Variants in TTLL9 observed in about 807,000 individuals in gnomAD.
TTLL9 encodes the protein probable tubulin polyglutamylase TTLL9.
In TTLL9, 47 loss-of-function variants were observed where a neutral mutation model predicts 65.6. That is an observed-to-expected ratio of 0.72 (90% CI 0.57 to 0.91). The LOEUF is 0.91. Ranked by LOEUF, TTLL9 falls within the 40% of genes least tolerant of loss-of-function variation. The pLI is 0.00. For synonymous variants in TTLL9, 179 were observed against 204.8 expected (o/e 0.87, Z 1.07); for missense variants, 537 against 568.8 (o/e 0.94, Z 0.57).
rs367892366 is a variant in TTLL9 at position 31,871,188 on chromosome 20, A to G, written c.62A>G (p.Lys21Arg). ...ACAACTGCCATTAGGTGCCCCAAGAAATTACAGGTGAATGTTGGGAGAGGG... is the reference window on the plus strand; with the variant it reads ...ACAACTGCCATTAGGTGCCCCAAGAGATTACAGGTGAATGTTGGGAGAGGG... ...PGTTAIRCPK[K>R]LQNQNYKGHG... Residue 21 changes from lysine to arginine, a missense_variant, in exon 2 of 15, where the codon AAA becomes AGA. Lys to Arg is a conservative substitution (Grantham distance 26). This residue lies in a region of TTLL9 where 320 missense variants were observed against 311.0 expected (regional missense o/e 1.03). Transcript: ENST00000535842. 1 of 1,613,960 alleles carries G rather than the reference A, an allele frequency of 6.2e-7. No homozygotes were observed. The highest frequency in any genetic ancestry group is 8.5e-7 in the Non-Finnish European group (1 of 1,179,994).
intron 3 of TTLL9, among the ~76,000 whole-genome samples, chr20:31,894,316 C>G (rs750923426): frequency 3.9e-4 from 59 of 151,968 alleles, no homozygotes; most frequent in Non-Finnish European, 8.5e-4. Flanking sequence ...GTTGCACAGG[C>G]TGGTCTTGAA....
At chr20:31,942,143 G>A (rs183913684) in intron 14 of TTLL9, among the ~76,000 whole-genome samples, 1 of 152,164 alleles carries the variant, frequency 6.6e-6, no homozygotes, top group African/African-American at 2.4e-5. Context: ...GGTTTGGGGG[G>A]ATGTGGAAGA....
intron 2 of TTLL9, chr20:31,879,846 G>T (rs2063085598): frequency 1.9e-6 from 3 of 1,549,950 alleles, no homozygotes; most frequent in Non-Finnish European, 2.6e-6. Flanking sequence ...CGAGGCGCGC[G>T]GTGGCGGTTT....
intron 10 of TTLL9, among the ~76,000 whole-genome samples, chr20:31,932,500 G>A (rs1568834036): frequency 8.1e-6 from 1 of 123,102 alleles, no homozygotes; most frequent in Non-Finnish European, 1.7e-5. Flanking sequence ...TAAAGAAGAC[G>A]TCTAGGAAAA....
chr20:31,874,409 C>CA (rs1405922318), intron 2 of TTLL9, among the ~76,000 whole-genome samples: 2 of 123,034 alleles, frequency 1.6e-5, no homozygotes. Context: ...ATTAGCTGAT[C>CA]TTTTTTTTTT....
At chr20:31,876,430 G>C (rs868665655) in intron 2 of TTLL9, among the ~76,000 whole-genome samples, 15 of 152,160 alleles carry the variant, frequency 9.9e-5, no homozygotes, top group African/African-American at 3.6e-4. Context: ...TGGGTGACAA[G>C]AGCAAAACTC....
intron 2 of TTLL9, 96 bp from the exon 3 acceptor site, chr20:31,887,100 G>A: frequency 7.7e-7 from 1 of 1,295,708 alleles, no homozygotes. Context: ...TGTTGAGTCT[G>A]ACGGTTTGGG....
Position 31,908,670 on chromosome 20 carries a change from G to C in TTLL9, c.286G>C (p.Val96Leu). 6.2e-7 allele frequency: 1 copy of C among 1,614,154 alleles called. No individual in the cohort carries two copies. The highest frequency in any genetic ancestry group is 8.5e-7 in the Non-Finnish European group (1 of 1,180,020). Reference sequence around the variant, plus strand: ...CGACCACACCTACATGGATGAACATGTGCGGATCAGTCACTTCCGGAACCA... The same window carrying C: ...CGACCACACCTACATGGATGAACATCTGCGGATCAGTCACTTCCGGAACCA... ...NFDHTYMDEHVRISHFRNHYE... is the reference protein window; with the variant it reads ...NFDHTYMDEHLRISHFRNHYE... Residue 96 changes from valine to leucine, a missense_variant, in exon 5 of 15, where the codon GTG (valine) becomes CTG (leucine). Physicochemically the swap from Val to Leu is conservative, Grantham distance 32. Transcript: ENST00000535842.
intron 11 of TTLL9, chr20:31,934,399 T>G (rs767192234): frequency 8.6e-5 from 50 of 582,974 alleles, no homozygotes; most frequent in South Asian, 7.6e-4. Flanking sequence ...GGCCTTGGGA[T>G]GCACACATGG....
chr20:31,903,340 T>C (rs2063504462), intron 4 of TTLL9, among the ~76,000 whole-genome samples: 2 of 152,260 alleles, frequency 1.3e-5, no homozygotes, highest in African/African-American at 4.8e-5. Flanking sequence ...GTTGTCTCTT[T>C]ATATTCGAGT....
intron 7 of TTLL9, chr20:31,920,867 A>T (rs758792477): frequency 2.6e-5 from 4 of 152,724 alleles, no homozygotes; most frequent in Non-Finnish European, 5.9e-5. Flanking sequence ...CTGTTGTGTC[A>T]CCCCATCAAG....
chr20:31,889,065 CAT>C (rs2063242885), intron 3 of TTLL9, among the ~76,000 whole-genome samples: 3 of 146,072 alleles, frequency 2.1e-5, no homozygotes, highest in Non-Finnish European at 4.6e-5. Context: ...CACACACACA[CAT>C]ATATTTACCA....
At chr20:31,899,057 G>A (rs1019468692) in intron 4 of TTLL9, among the ~76,000 whole-genome samples, 7 of 152,234 alleles carry the variant, frequency 4.6e-5, no homozygotes, top group Non-Finnish European at 8.8e-5. Flanking sequence ...GTGATGCCTG[G>A]CACAGAGTAG....
chr20:31,911,747 C>T (rs2063650472), intron 6 of TTLL9, among the ~76,000 whole-genome samples: 1 of 152,132 alleles, frequency 6.6e-6, no homozygotes, highest in African/African-American at 2.4e-5. Context: ...ATTCCATTCC[C>T]AGCCCACAGC....
chr20:31,881,064 A>G (rs1568735612), intron 2 of TTLL9, among the ~76,000 whole-genome samples: 3 of 151,224 alleles, frequency 2.0e-5, no homozygotes, highest in Non-Finnish European at 4.4e-5. Context: ...TTATGTTGCT[A>G]TGTTGCCCAG....
At chr20:31,941,545 G>A (rs1309176782) in intron 14 of TTLL9, among the ~76,000 whole-genome samples, 1 of 150,750 alleles carries the variant, frequency 6.6e-6, no homozygotes, top group African/African-American at 2.4e-5. Context: ...CCCAAGTTGA[G>A]AGCTACTGTT....
In TTLL9 at chr20:31,943,583, A is replaced by C. The variant is rs1017428024; in HGVS notation, c.*562A>C. 5 of 368,276 alleles carry C rather than the reference A, an allele frequency of 1.4e-5. No individual in the cohort carries two copies. Among genetic ancestry groups the C allele is most frequent in the Non-Finnish European group, 2.1e-5 (4 of 187,460 alleles). The allele number at this position is 368,276 out of a possible 1,614,324, so 22.8% of individuals were successfully genotyped here. A position where few individuals can be genotyped will look rare whatever the true frequency, so the allele number is the denominator to read the frequency against. ...TGGGGAAGTACTGAGCCCTAAACACATCCTCTTCTCCTTGCATGTCAGGGG... is the reference window on the plus strand; with the variant it reads ...TGGGGAAGTACTGAGCCCTAAACACCTCCTCTTCTCCTTGCATGTCAGGGG... On this transcript the variant is annotated 3_prime_UTR_variant, in exon 15 of 15. Coordinates refer to ENST00000535842, the MANE Select transcript of TTLL9 (RefSeq NM_001008409.5).
intron 14 of TTLL9, among the ~76,000 whole-genome samples, chr20:31,942,007 T>G (rs1244830863): frequency 6.6e-6 from 1 of 152,066 alleles, no homozygotes; most frequent in Non-Finnish European, 1.5e-5. Context: ...ACTCGAGAGT[T>G]AGGAATGAGC....
At chr20:31,913,036 TGTA>T in intron 6 of TTLL9, among the ~76,000 whole-genome samples, 1 of 152,102 alleles carries the variant, frequency 6.6e-6, no homozygotes, top group Non-Finnish European at 1.5e-5. Flanking sequence ...GGCGAGTGCC[TGTA>T]GTGCCAGCTA....
Sources: allele counts gnomAD v4.1 joint callset (sites outside exome capture counted in the v4.1 genomes callset), GRCh38; gene constraint gnomAD v4.1.1; regional missense constraint gnomAD v4.1.1; transcripts MANE v1.5; gene names NCBI Gene and HGNC (gene_info 2026-07-23, HGNC 2026-07-21).